The following SLC9D1 variants were observed in gnomAD, a reference collection of about 807,000 sequenced individuals.
SLC9D1 encodes solute carrier family 9 member D1.
At chr13:113,547,959 C>CT in the SLC9D1 span, among the ~76,000 whole-genome samples, 2 of 136,410 alleles carry the variant, frequency 1.5e-5, no homozygotes, top group African/African-American at 5.3e-5. Flanking sequence ...ACACACATCT[C>CT]TCTGTATTAA....
At chr13:113,524,054 CA>C in the SLC9D1 span, 1 of 454,292 alleles carries the variant, frequency 2.2e-6, no homozygotes, top group African/African-American at 2.0e-5. Context: ...GTAAATGCTC[CA>C]AAGTCACTTG....
At chr13:113,514,774 T>A in the SLC9D1 span, among the ~76,000 whole-genome samples, 1 of 152,174 alleles carries the variant, frequency 6.6e-6, no homozygotes, top group African/African-American at 2.4e-5. Context: ...TGGAGTGCAG[T>A]GGCTTGATCT....
At chr13:113,534,021 T>A in the SLC9D1 span, 1 of 1,555,724 alleles carries the variant, frequency 6.4e-7, no homozygotes, top group African/African-American at 1.4e-5. Context: ...GGAAGTGAAA[T>A]CACGTCTCTT....
chr13:113,495,291 T>C, the SLC9D1 span, among the ~76,000 whole-genome samples: 2 of 152,224 alleles, frequency 1.3e-5, no homozygotes, highest in Admixed American at 6.5e-5. Flanking sequence ...TTTAATCATC[T>C]CAGCCCTTCA....
the SLC9D1 span, chr13:113,503,382 T>TGC: frequency 1.6e-6 from 1 of 635,140 alleles, no homozygotes; most frequent in Non-Finnish European, 2.8e-6. Flanking sequence ...TGTGTGTGTG[T>TGC]GTATGTGTGT....
chr13:113,498,861 G>C, the SLC9D1 span, among the ~76,000 whole-genome samples: 2 of 150,804 alleles, frequency 1.3e-5, no homozygotes, highest in East Asian at 3.9e-4. Context: ...ACCAGAAACA[G>C]GTCCTAATCC....
At chr13:113,541,489 G>A in the SLC9D1 span, among the ~76,000 whole-genome samples, 2 of 135,050 alleles carry the variant, frequency 1.5e-5, no homozygotes, top group African/African-American at 3.0e-5. Flanking sequence ...CTTTATTACC[G>A]CCGAGATGTG....
At chr13:113,507,677 G>A in the SLC9D1 span, among the ~76,000 whole-genome samples, 1 of 152,218 alleles carries the variant, frequency 6.6e-6, no homozygotes, top group Non-Finnish European at 1.5e-5. Context: ...TTAAGAGTCT[G>A]TCAGTTTCTG....
At chr13:113,549,809 G>T in the SLC9D1 span, 2 of 572,692 alleles carry the variant, frequency 3.5e-6, no homozygotes, top group Non-Finnish European at 3.1e-6. Context: ...GTGCCTGGAT[G>T]TGCCTTTTTT....
At chr13:113,518,484 TATC>T in the SLC9D1 span, among the ~76,000 whole-genome samples, 2 of 152,232 alleles carry the variant, frequency 1.3e-5, no homozygotes, top group Admixed American at 6.5e-5. Context: ...CTGGCAGTAA[TATC>T]ATCAAAGGCT....
the SLC9D1 span, among the ~76,000 whole-genome samples, chr13:113,532,478 A>G: frequency 4.6e-5 from 7 of 152,112 alleles, no homozygotes; most frequent in East Asian, 3.9e-4. Context: ...GTTCCATCCC[A>G]GCGTCCAGGA....
chr13:113,527,220 A>G, the SLC9D1 span: 17 of 152,354 alleles, frequency 1.1e-4, no homozygotes, highest in African/African-American at 3.4e-4. Flanking sequence ...AAAACTCAGG[A>G]GGAAAAGGAT....
At chr13:113,534,463 G>A in the SLC9D1 span, 1 of 542,232 alleles carries the variant, frequency 1.8e-6, no homozygotes, top group Non-Finnish European at 3.2e-6. Flanking sequence ...TAAGCACTTT[G>A]CTAAAATAGT....
the SLC9D1 span, among the ~76,000 whole-genome samples, chr13:113,537,414 G>C: frequency 6.6e-6 from 1 of 152,226 alleles, no homozygotes; most frequent in African/African-American, 2.4e-5. Flanking sequence ...TTCCGTGTCT[G>C]GCTTCCACTT....
At chr13:113,519,966 G>T in the SLC9D1 span, among the ~76,000 whole-genome samples, 1 of 152,240 alleles carries the variant, frequency 6.6e-6, no homozygotes, top group Non-Finnish European at 1.5e-5. Context: ...AAGGTGAGAA[G>T]CAAAGGCTTC....
At chr13:113,522,331 TTTGTTGTTG>T in the SLC9D1 span, among the ~76,000 whole-genome samples, 3 of 152,086 alleles carry the variant, frequency 2.0e-5, no homozygotes, top group African/African-American at 2.4e-5. Context: ...GTAATTTTTC[TTTGTTGTTG>T]TTGTTGTTGT....
the SLC9D1 span, among the ~76,000 whole-genome samples, chr13:113,517,442 A>C: frequency 6.6e-6 from 1 of 152,174 alleles, no homozygotes; most frequent in South Asian, 2.1e-4. Flanking sequence ...GTTAGCCAGG[A>C]TGGTCTCGAT....
At chr13:113,548,608 A>C in the SLC9D1 span, among the ~76,000 whole-genome samples, 3 of 152,248 alleles carry the variant, frequency 2.0e-5, no homozygotes, top group African/African-American at 7.2e-5. Context: ...CTCTCTGCTC[A>C]TCCAGCATGT....
chr13:113,509,252 CCTGT>C, the SLC9D1 span, among the ~76,000 whole-genome samples: 2 of 145,386 alleles, frequency 1.4e-5, no homozygotes, highest in African/African-American at 2.6e-5. Context: ...CCTGGCGCTG[CCTGT>C]CTATGTTGGG....
Sources: allele counts gnomAD v4.1 joint callset (sites outside exome capture counted in the v4.1 genomes callset), GRCh38; gene constraint gnomAD v4.1.1; transcripts MANE v1.5; gene names NCBI Gene and HGNC (gene_info 2026-07-23, HGNC 2026-07-21).